The following ZDHHC2 variants were observed in gnomAD, a reference collection of about 807,000 sequenced individuals.
ZDHHC2 encodes palmitoyltransferase ZDHHC2.
In ZDHHC2, 51 loss-of-function variants were observed where a neutral mutation model predicts 55.6. The ratio of observed to expected loss-of-function variants is 0.92; its 90% CI spans 0.73 to 1.16. The LOEUF is 1.16. ZDHHC2 is among the 50% of genes most tolerant of loss of function. The probability of loss-of-function intolerance (pLI) is 0.00; values close to 1 mark genes in which losing one functional copy is unlikely to be tolerated. For missense variants in ZDHHC2, 491 were observed against 442.4 expected (o/e 1.11, Z -0.99); for synonymous variants, 199 against 152.9 (o/e 1.30, Z -2.22).
intron 1 of ZDHHC2, among the ~76,000 whole-genome samples, chr8:17,172,677 C>G (rs1386346764): frequency 6.6e-6 from 1 of 152,110 alleles, no homozygotes; most frequent in East Asian, 1.9e-4. Context: ...AGCTACCAAC[C>G]AGGAGAGATC....
chr8:17,186,307 A>G (rs1354487489), intron 2 of ZDHHC2, 24 bp from the exon 3 acceptor site: 2 of 1,480,570 alleles, frequency 1.4e-6, no homozygotes, highest in African/African-American at 1.4e-5. Context: ...TATTATAATG[A>G]TAATTATGTT....
chr8:17,180,915 G>A lies in ZDHHC2; in HGVS notation c.131-3874G>A, dbSNP rs116933517. Among the ~76,000 whole-genome samples the A allele has an allele frequency of 8.2e-3, 1,249 of 152,290 alleles. 22 individuals carry two copies. Among genetic ancestry groups the A allele is most frequent in the East Asian group, 0.062 (321 of 5,184 alleles). Reference sequence around the variant, plus strand: ...GGAACCCTGTGAACTTATAGACCCTGTCTGTCTTCAAAGTTGCTTGAAGCC... The same window carrying A: ...GGAACCCTGTGAACTTATAGACCCTATCTGTCTTCAAAGTTGCTTGAAGCC... On this transcript the variant is annotated intron_variant, in intron 1 of 12. Coordinates refer to ENST00000262096, the MANE Select transcript of ZDHHC2 (RefSeq NM_016353.5).
intron 4 of ZDHHC2, among the ~76,000 whole-genome samples, chr8:17,196,509 G>T (rs568439374): frequency 6.6e-6 from 1 of 151,874 alleles, no homozygotes; most frequent in South Asian, 2.1e-4. Context: ...AGCTGTGGTT[G>T]CACCACTGCA....
chr8:17,182,632 A>G (rs1170859853), intron 1 of ZDHHC2, among the ~76,000 whole-genome samples: 4 of 151,802 alleles, frequency 2.6e-5, no homozygotes, highest in South Asian at 2.1e-4. Flanking sequence ...TTTAGGGAAA[A>G]GCAAACTGTG....
At chr8:17,195,645 C>T (rs372259542) in intron 4 of ZDHHC2, 21 bp downstream of exon 4, 6 of 1,613,114 alleles carry the variant, frequency 3.7e-6, no homozygotes, top group South Asian at 2.2e-5. Context: ...ATAATGAGTG[C>T]TTTGCAATGG....
At position 17,211,564 on chromosome 8, in the gene ZDHHC2, A is replaced by G. The variant is rs549725039; in HGVS notation, c.950+1084A>G. Among the ~76,000 whole-genome samples, 168 of 152,248 alleles carry G rather than the reference A, an allele frequency of 1.1e-3. 1 individual carries two copies. Among genetic ancestry groups the G allele is most frequent in the Non-Finnish European group, 2.2e-3 (150 of 68,026 alleles). On this transcript the variant is annotated intron_variant, in intron 10 of 12. Coordinates refer to ENST00000262096, the MANE Select transcript of ZDHHC2 (RefSeq NM_016353.5). ...GAGTGCAGTGGAGTGATCATGGCTC[A>G]CTGCAGCCATGACCGCCCAGGATCA...
intron 1 of ZDHHC2, among the ~76,000 whole-genome samples, chr8:17,172,218 C>A (rs1470376157): frequency 6.6e-6 from 1 of 152,200 alleles, no homozygotes; most frequent in East Asian, 1.9e-4. Context: ...CCTCCCCTTT[C>A]TAAACCAAAG....
At chr8:17,165,853 A>G (rs974491328) in intron 1 of ZDHHC2, among the ~76,000 whole-genome samples, 18 of 152,332 alleles carry the variant, frequency 1.2e-4, no homozygotes, top group African/African-American at 4.3e-4. Flanking sequence ...GAGCTGAAAC[A>G]TTTAACCATG....
At chr8:17,182,977 G>A (rs1301026673) in intron 1 of ZDHHC2, among the ~76,000 whole-genome samples, 1 of 152,192 alleles carries the variant, frequency 6.6e-6, no homozygotes, top group African/African-American at 2.4e-5. Context: ...GGCCAGGCTG[G>A]TCTTGAACTC....
intron 5 of ZDHHC2, among the ~76,000 whole-genome samples, chr8:17,197,978 C>T (rs752745763): frequency 1.8e-4 from 28 of 152,246 alleles, no homozygotes; most frequent in East Asian, 1.9e-4. Flanking sequence ...GACAGTCAGA[C>T]GTTGTTATAT....
intron 3 of ZDHHC2, 53 bp from the exon 4 acceptor site, chr8:17,195,451 A>G (rs539383956): frequency 8.4e-6 from 13 of 1,553,088 alleles, no homozygotes; most frequent in African/African-American, 4.1e-5. Flanking sequence ...GAGAAGACCA[A>G]TATGTTATAA....
intron 3 of ZDHHC2, among the ~76,000 whole-genome samples, chr8:17,194,311 A>G (rs555026653): frequency 1.3e-5 from 2 of 148,242 alleles, no homozygotes; most frequent in East Asian, 1.9e-4. Flanking sequence ...TTTTATACAT[A>G]TTTTTGTATA....
intron 10 of ZDHHC2, among the ~76,000 whole-genome samples, chr8:17,210,865 G>A (rs1264452879): frequency 6.6e-6 from 1 of 152,132 alleles, no homozygotes; most frequent in Admixed American, 6.5e-5. Flanking sequence ...ATAACTGTTA[G>A]AGTAAAGAAA....
chr8:17,174,318 A>AT (rs1472848705), intron 1 of ZDHHC2, among the ~76,000 whole-genome samples: 1 of 152,060 alleles, frequency 6.6e-6, no homozygotes, highest in Non-Finnish European at 1.5e-5. Flanking sequence ...GAGAACATAG[A>AT]TTTCTATTTA....
rs868649407 is a variant in ZDHHC2, at chr8:17,221,986, T to G, written c.*1765T>G. On this transcript the variant is annotated 3_prime_UTR_variant, in exon 13 of 13. Coordinates refer to ENST00000262096, the MANE Select transcript of ZDHHC2 (RefSeq NM_016353.5). ...ATTATATGAAGTCAGGTTTGTTTTTTTTTTTTTTTTTTTTTCAAAGCACAG... is the reference window on the plus strand; with the variant it reads ...ATTATATGAAGTCAGGTTTGTTTTTGTTTTTTTTTTTTTTTCAAAGCACAG... 60 of 149,898 alleles carry G rather than the reference T, an allele frequency of 4.0e-4. No homozygotes were observed. Among genetic ancestry groups the G allele is most frequent in the Middle Eastern group, 3.4e-3 (1 of 292 alleles). The allele number at this position is 149,898 out of a possible 1,614,324, so 9.3% of individuals were successfully genotyped here. A position where few individuals can be genotyped will look rare whatever the true frequency, so the allele number is the denominator to read the frequency against.
intron 1 of ZDHHC2, among the ~76,000 whole-genome samples, chr8:17,182,757 C>G (rs1223201840): frequency 1.3e-5 from 2 of 152,018 alleles, no homozygotes; most frequent in East Asian, 1.9e-4. Context: ...ACCAACTACA[C>G]CTTTTTTTTT....
intron 6 of ZDHHC2, among the ~76,000 whole-genome samples, chr8:17,200,257 G>A (rs928371135): frequency 2.4e-4 from 37 of 152,124 alleles, no homozygotes; most frequent in Non-Finnish European, 5.0e-4. Context: ...GGGTAGTTTC[G>A]TTCAGCTCAC....
rs538084731 is a variant in ZDHHC2 at position 17,203,765 on chromosome 8, G to C, written c.477-1890G>C. Reference sequence around the variant, plus strand: ...AACCTCTAGAGATGCAGATGTAACTGTTTCCATACAATGTGCACGCACAAT... The same window carrying C: ...AACCTCTAGAGATGCAGATGTAACTCTTTCCATACAATGTGCACGCACAAT... On this transcript the variant is annotated intron_variant, in intron 6 of 12. Transcript: ENST00000262096. Among the ~76,000 whole-genome samples the C allele has an allele frequency of 4.0e-5, 6 of 150,864 alleles. 1 individual carries two copies. The Middle Eastern group carries it at 0.01, about 264-fold the overall frequency.
At chr8:17,163,014 T>C (rs993941393) in intron 1 of ZDHHC2, 2 of 152,292 alleles carry the variant, frequency 1.3e-5, no homozygotes, top group Non-Finnish European at 2.9e-5. Flanking sequence ...GAGGTTGTTT[T>C]AGCTCCCTCA....
Sources: gnomAD v4.1 joint callset for allele counts (sites outside exome capture counted in the v4.1 genomes callset) on GRCh38, gnomAD v4.1.1 for gene constraint, MANE v1.5 for transcripts, NCBI Gene and HGNC (gene_info 2026-07-23, HGNC 2026-07-21) for gene names.